NCOA7: variants seen among roughly 807,000 people sequenced by gnomAD.
NCOA7 encodes nuclear receptor coactivator 7, also known as 140 kDa estrogen receptor-associated protein.
Under a neutral mutation model 104.3 loss-of-function variants are expected in NCOA7, and 45 were observed. The observed-to-expected ratio is 0.43, with a 90% confidence interval of 0.34 to 0.55. The LOEUF (loss-of-function observed/expected upper bound fraction) is 0.55, where lower values mean the gene tolerates loss of function less well. Among genes scored for constraint, NCOA7 ranks in the 20% least tolerant of loss-of-function variants. NCOA7 has a pLI of 0.02. For synonymous variants in NCOA7, 398 were observed against 402.3 expected (o/e 0.99, Z 0.13); for missense variants, 1,041 against 1,119.7 (o/e 0.93, Z 1.00).
At chr6:125,834,003 CT>C (rs1779404181) in intron 2 of NCOA7, among the ~76,000 whole-genome samples, 1 of 152,044 alleles carries the variant, frequency 6.6e-6, no homozygotes, top group South Asian at 2.1e-4. Context: ...AACTGCAAAG[CT>C]TTTATTATTT....
chr6:125,832,099 T>C (rs1340645755), intron 2 of NCOA7, among the ~76,000 whole-genome samples: 1 of 152,244 alleles, frequency 6.6e-6, no homozygotes, highest in Non-Finnish European at 1.5e-5. Flanking sequence ...TTATCTGCTC[T>C]ATACTTCTTC....
intron 5 of NCOA7, among the ~76,000 whole-genome samples, chr6:125,879,064 G>T (rs187960414): frequency 8.6e-4 from 131 of 152,202 alleles, no homozygotes; most frequent in Admixed American, 8.5e-3. Flanking sequence ...TATTAGTGGA[G>T]AATTGCTTGG....
At chr6:125,855,681 A>T (rs1008962463) in intron 3 of NCOA7, 1 of 153,276 alleles carries the variant, frequency 6.5e-6, no homozygotes, top group Non-Finnish European at 1.4e-5. Flanking sequence ...ACAAAAAAAA[A>T]CACCTAGGAG....
chr6:125,879,532 C>T (rs796746213), intron 5 of NCOA7, among the ~76,000 whole-genome samples: 23 of 152,094 alleles, frequency 1.5e-4, no homozygotes, highest in African/African-American at 5.5e-4. Flanking sequence ...CTTTGATTTT[C>T]CCACTTTTAT....
intron 10 of NCOA7, among the ~76,000 whole-genome samples, chr6:125,899,028 A>G (rs1354421368): frequency 6.6e-6 from 1 of 152,182 alleles, no homozygotes; most frequent in Non-Finnish European, 1.5e-5. Context: ...ATACATATAT[A>G]GTATATGTAA....
At chr6:125,792,555 A>G (rs1774951127) in intron 1 of NCOA7, among the ~76,000 whole-genome samples, 1 of 152,182 alleles carries the variant, frequency 6.6e-6, no homozygotes, top group Admixed American at 6.5e-5. Context: ...TTCAGGTTTG[A>G]TCTAATTATC....
intron 6 of NCOA7, among the ~76,000 whole-genome samples, chr6:125,882,024 T>A (rs1309823410): frequency 6.6e-6 from 1 of 152,142 alleles, no homozygotes; most frequent in African/African-American, 2.4e-5. Context: ...CAGCTAATTT[T>A]TGTATTTTTA....
In NCOA7 at chr6:125,878,258, T is replaced by A. The variant is rs1353003696; in HGVS notation, c.352-5T>A. 5 of 1,603,640 alleles carry A rather than the reference T, an allele frequency of 3.1e-6. No homozygotes were observed. Among genetic ancestry groups the A allele is most frequent in the Non-Finnish European group, 3.4e-6 (4 of 1,175,252 alleles). The stretch of plus-strand genomic sequence containing the variant: ...TATTGACTCTTACCTGTTTGATTAT[T>A]CTAGGCTGGAAACCAGGACACCCTA... On this transcript the variant is annotated splice_region_variant and splice_polypyrimidine_tract_variant and intron_variant, in intron 4 of 15. Transcript: ENST00000392477.
chr6:125,885,447 T>G (rs561867099), intron 8 of NCOA7, 104 bp downstream of exon 8: 54 of 1,099,052 alleles, frequency 4.9e-5, no homozygotes, highest in Middle Eastern at 2.2e-4. Flanking sequence ...GTAGAGGTGA[T>G]TTTGAAGATG....
intron 2 of NCOA7, among the ~76,000 whole-genome samples, chr6:125,821,966 C>T (rs1035340094): frequency 1.3e-5 from 2 of 152,184 alleles, no homozygotes; most frequent in African/African-American, 2.4e-5. Flanking sequence ...GTGTTATGCT[C>T]CTTGTCTCCA....
chr6:125,906,336 T>G (rs1583513054), intron 10 of NCOA7, among the ~76,000 whole-genome samples: 1 of 151,664 alleles, frequency 6.6e-6, no homozygotes, highest in Admixed American at 6.6e-5. Flanking sequence ...GAGAGTGGGG[T>G]GAGCTTGAAA....
At chr6:125,873,558 T>G (rs1783107846) in intron 3 of NCOA7, among the ~76,000 whole-genome samples, 1 of 152,226 alleles carries the variant, frequency 6.6e-6, no homozygotes, top group Non-Finnish European at 1.5e-5. Flanking sequence ...CATGCTTTAT[T>G]TACCCTCTAG....
chr6:125,877,148 C>T (rs889050418), intron 4 of NCOA7, among the ~76,000 whole-genome samples: 5 of 152,052 alleles, frequency 3.3e-5, no homozygotes, highest in Non-Finnish European at 7.4e-5. Context: ...TATAATATAT[C>T]CTAACTTGTT....
intron 2 of NCOA7, among the ~76,000 whole-genome samples, chr6:125,818,071 C>T (rs1256558405): frequency 6.6e-6 from 1 of 151,202 alleles, no homozygotes; most frequent in African/African-American, 2.4e-5. Flanking sequence ...CGCTTCTCCC[C>T]CTTCCTTCTT....
intron 2 of NCOA7, among the ~76,000 whole-genome samples, chr6:125,818,037 C>G (rs1245861307): frequency 6.6e-6 from 1 of 151,716 alleles, no homozygotes; most frequent in Non-Finnish European, 1.5e-5. Flanking sequence ...TCCTCTTCCT[C>G]CTCTTCTTCC....
At chr6:125,805,608 A>G (rs1409528223) in intron 1 of NCOA7, among the ~76,000 whole-genome samples, 2 of 152,264 alleles carry the variant, frequency 1.3e-5, no homozygotes, top group Non-Finnish European at 2.9e-5. Flanking sequence ...TTATCTGGAA[A>G]GAATTGAGAT....
At chr6:125,851,769 T>C (rs1346049935) in intron 2 of NCOA7, among the ~76,000 whole-genome samples, 1 of 152,242 alleles carries the variant, frequency 6.6e-6, no homozygotes, top group Non-Finnish European at 1.5e-5. Context: ...TTTTTTGACT[T>C]TTTAATAACA....
intron 7 of NCOA7, among the ~76,000 whole-genome samples, chr6:125,884,948 G>A (rs1461279501): frequency 6.6e-6 from 1 of 152,212 alleles, no homozygotes; most frequent in African/African-American, 2.4e-5. Flanking sequence ...GGTTGCCTCA[G>A]TGAGCCACAT....
At chr6:125,843,760 A>G (rs537358519) in intron 2 of NCOA7, among the ~76,000 whole-genome samples, 5 of 152,026 alleles carry the variant, frequency 3.3e-5, no homozygotes, top group South Asian at 4.1e-4. Flanking sequence ...ATATATTACC[A>G]TTGTCTGCAC....
Sources: allele counts gnomAD v4.1 joint callset (sites outside exome capture counted in the v4.1 genomes callset), GRCh38; gene constraint gnomAD v4.1.1; transcripts MANE v1.5; gene names NCBI Gene and HGNC (gene_info 2026-07-23, HGNC 2026-07-21).